ITGA4: variants seen among roughly 807,000 people sequenced by gnomAD.
ITGA4 encodes the protein integrin alpha-4.
In ITGA4, 63 loss-of-function variants were observed where a neutral mutation model predicts 133.6. That is an observed-to-expected ratio of 0.47 (90% CI 0.38 to 0.58). The LOEUF (loss-of-function observed/expected upper bound fraction) is 0.58. Among genes scored for constraint, ITGA4 ranks in the 20% least tolerant of loss-of-function variants. The pLI, the probability that ITGA4 is intolerant of heterozygous loss-of-function variation, is 0.00. For synonymous variants in ITGA4, 483 were observed against 438.0 expected (o/e 1.10, Z -1.28); for missense variants, 1,076 against 1,252.7 (o/e 0.86, Z 2.13).
At chr2:181,469,707 CAT>C (rs1217836521) in intron 2 of ITGA4, among the ~76,000 whole-genome samples, 1 of 152,156 alleles carries the variant, frequency 6.6e-6, no homozygotes. Context: ...AAATGTGGCA[CAT>C]ATACACCATG....
In ITGA4 at chr2:181,535,747, G is replaced by C; in HGVS notation, c.*220G>C. On this transcript the variant is annotated 3_prime_UTR_variant, in exon 28 of 28. Coordinates refer to ENST00000397033, the MANE Select transcript of ITGA4 (RefSeq NM_000885.6). Reference sequence around the variant, plus strand: ...TAATACAGCCAAAGATAATCTCTCAGCTTTTAAATGGGTAGAGAAACACTA... The same window carrying C: ...TAATACAGCCAAAGATAATCTCTCACCTTTTAAATGGGTAGAGAAACACTA... The C allele has an allele frequency of 2.5e-6, 1 of 405,912 alleles. No individual in the cohort carries two copies. Among genetic ancestry groups the C allele is most frequent in the South Asian group, 4.7e-5 (1 of 21,078 alleles). The allele number at this position is 405,912 out of a possible 1,614,324, so 25.1% of individuals were successfully genotyped here. A position where few individuals can be genotyped will look rare whatever the true frequency, so the allele number is the denominator to read the frequency against.
At chr2:181,507,433 G>C (rs764965426) in intron 15 of ITGA4, among the ~76,000 whole-genome samples, 3 of 152,068 alleles carry the variant, frequency 2.0e-5, no homozygotes, top group Non-Finnish European at 2.9e-5. Flanking sequence ...GGAGAAGTCT[G>C]TTTTGTTGAG....
At chr2:181,485,680 G>T (rs1419304805) in intron 9 of ITGA4, among the ~76,000 whole-genome samples, 1 of 152,058 alleles carries the variant, frequency 6.6e-6, no homozygotes, top group African/African-American at 2.4e-5. Context: ...TGTCCTCTGA[G>T]GTCTAATCAT....
At chr2:181,505,802 T>C (rs1257451388) in intron 15 of ITGA4, among the ~76,000 whole-genome samples, 5 of 152,106 alleles carry the variant, frequency 3.3e-5, no homozygotes, top group Admixed American at 6.6e-5. Flanking sequence ...ATGAATTAGA[T>C]AGCATGTGAT....
chr2:181,474,976 A>G lies in ITGA4; in HGVS notation c.336A>G (p.Glu112=). Residue 112 remains glutamate, a synonymous_variant, in exon 3 of 28, where the codon GAA becomes GAG. Transcript: ENST00000397033. ...EQLQLGSPNG[E]PCGKTCLEER... ...ATGCTATAGGTAGCCCTAATGGAGA[A>G]CCTTGTGGAAAGACTTGTTTGGAAG... 1 of 1,613,818 alleles carries G rather than the reference A, an allele frequency of 6.2e-7. No homozygotes were observed. Among genetic ancestry groups the G allele is most frequent in the Non-Finnish European group, 8.5e-7 (1 of 1,179,728 alleles).
chr2:181,505,381 C>G (rs1047157113), intron 15 of ITGA4, among the ~76,000 whole-genome samples: 7 of 152,004 alleles, frequency 4.6e-5, no homozygotes, highest in African/African-American at 1.7e-4. Flanking sequence ...GCCAGAAATA[C>G]AGATTTCCAT....
chr2:181,460,192 A>G (rs1323096933), intron 2 of ITGA4, among the ~76,000 whole-genome samples: 2 of 152,232 alleles, frequency 1.3e-5, no homozygotes, highest in African/African-American at 4.8e-5. Flanking sequence ...CCAATCTACA[A>G]GGTATTTACT....
intron 9 of ITGA4, among the ~76,000 whole-genome samples, chr2:181,484,853 A>G (rs1685879040): frequency 6.6e-6 from 1 of 152,156 alleles, no homozygotes; most frequent in Non-Finnish European, 1.5e-5. Flanking sequence ...AAAAATCAGA[A>G]TTTTTCTATT....
Position 181,537,139 on chromosome 2 carries a change from C to CGTT in ITGA4, c.*1613_*1615dup. 2 of 453,324 alleles carry CGTT rather than the reference C, an allele frequency of 4.4e-6. No homozygotes were observed. The highest frequency in any genetic ancestry group is 8.8e-6 in the Non-Finnish European group (2 of 226,556). 28.1% of individuals were successfully genotyped at this position (453,324 alleles called of 1,614,324 possible). A position where few individuals can be genotyped will look rare whatever the true frequency, so the allele number is the denominator to read the frequency against. The stretch of plus-strand genomic sequence containing the variant: ...TATGTATTTTTAAAAAACTTTGTAT[C>CGTT]GTTATAAAAAGGCTAGTCATTCTTT... On this transcript the variant is annotated 3_prime_UTR_variant, in exon 28 of 28. Transcript: ENST00000397033.
rs141022884 is a variant in ITGA4, at chr2:181,457,952, G to A, written c.197+101G>A. 468 of 1,230,538 alleles carry A rather than the reference G, an allele frequency of 3.8e-4. No individual in the cohort carries two copies. The Middle Eastern group carries it at 8.2e-3, about 22-fold the overall frequency. 76.2% of individuals were successfully genotyped at this position (1,230,538 alleles called of 1,614,324 possible). ...GATTCAAACTTTCCTCCCTCCCAAG[G>A]AGGCAGGAGGGAAACGCTGCGAGAG... On this transcript the variant is annotated intron_variant, in intron 1 of 27. Coordinates refer to ENST00000397033, the MANE Select transcript of ITGA4 (RefSeq NM_000885.6).
At chr2:181,517,548 T>C (rs993855002) in intron 17 of ITGA4, among the ~76,000 whole-genome samples, 1 of 152,118 alleles carries the variant, frequency 6.6e-6, no homozygotes, top group African/African-American at 2.4e-5. Context: ...TAATGAAGAA[T>C]GAACTATGAG....
At chr2:181,527,741 G>A (rs1302649295) in intron 22 of ITGA4, among the ~76,000 whole-genome samples, 2 of 152,168 alleles carry the variant, frequency 1.3e-5, no homozygotes, top group Non-Finnish European at 2.9e-5. Context: ...GCAAATCAGT[G>A]AAATTTCTTC....
At chr2:181,515,133 T>C (rs1686580231) in intron 17 of ITGA4, among the ~76,000 whole-genome samples, 1 of 152,098 alleles carries the variant, frequency 6.6e-6, no homozygotes, top group South Asian at 2.1e-4. Context: ...CAAGTTCTTA[T>C]CACACTGAAA....
chr2:181,522,478 T>C, intron 18 of ITGA4, 137 bp downstream of exon 18: 1 of 580,096 alleles, frequency 1.7e-6, no homozygotes, highest in Non-Finnish European at 2.9e-6. Context: ...TCAGACTTAC[T>C]CTGTGCCCCT....
At chr2:181,515,771 T>C (rs1022862996) in intron 17 of ITGA4, among the ~76,000 whole-genome samples, 2 of 152,118 alleles carry the variant, frequency 1.3e-5, no homozygotes, top group Non-Finnish European at 2.9e-5. Context: ...GACAGAAATA[T>C]GTCTCTCCCA....
Position 181,495,635 on chromosome 2 carries a change from C to T in ITGA4, c.1386-148C>T, listed in dbSNP as rs1048978408. 5.6e-6 allele frequency: 4 copies of T among 711,172 alleles called. No individual in the cohort carries two copies. Among genetic ancestry groups the T allele is most frequent in the African/African-American group, 5.4e-5 (3 of 55,592 alleles). 44.1% of individuals were successfully genotyped at this position (711,172 alleles called of 1,614,324 possible). A position where few individuals can be genotyped will look rare whatever the true frequency, so the allele number is the denominator to read the frequency against. On this transcript the variant is annotated intron_variant, in intron 13 of 27. Coordinates refer to ENST00000397033, the MANE Select transcript of ITGA4 (RefSeq NM_000885.6). This position sits in a 1 kb window ranked among gnomAD's most constrained non-coding sequence, Gnocchi z 4.3. ...ACATTTAAATAAAAAGTTATTTTGCCCTGTGCACAGAAATGTAATTAGTAT... is the reference window on the plus strand; with the variant it reads ...ACATTTAAATAAAAAGTTATTTTGCTCTGTGCACAGAAATGTAATTAGTAT...
chr2:181,475,839 A>G (rs548091419), intron 4 of ITGA4: 8 of 1,604,118 alleles, frequency 5.0e-6, no homozygotes. Context: ...GCAAGTACAG[A>G]GCTAGGACAT....
At chr2:181,482,325 C>A (rs201539928) in intron 7 of ITGA4, 35 bp from the exon 8 acceptor site, 1 of 1,558,044 alleles carries the variant, frequency 6.4e-7, no homozygotes, top group Non-Finnish European at 8.7e-7. Flanking sequence ...AAATGTTATT[C>A]CTAAAAACTT....
intron 23 of ITGA4, 99 bp from the exon 24 acceptor site, chr2:181,530,425 T>A (rs912457480): frequency 9.2e-6 from 10 of 1,081,868 alleles, no homozygotes; most frequent in Non-Finnish European, 1.3e-5. Flanking sequence ...TGATATATTT[T>A]AGCAAAGATA....
Sources: allele counts gnomAD v4.1 joint callset (sites outside exome capture counted in the v4.1 genomes callset), GRCh38; gene constraint gnomAD v4.1.1; non-coding constraint Gnocchi (gnomAD v3.1); transcripts MANE v1.5; gene names NCBI Gene and HGNC (gene_info 2026-07-23, HGNC 2026-07-21).